The following AXDND1 variants were observed in gnomAD, a reference collection of about 807,000 sequenced individuals.
AXDND1 encodes the protein axonemal dynein light chain domain-containing protein 1.
Under a neutral mutation model 137.5 loss-of-function variants are expected in AXDND1, and 110 were observed. The ratio of observed to expected loss-of-function variants is 0.80; its 90% CI spans 0.69 to 0.94. The LOEUF (loss-of-function observed/expected upper bound fraction) is 0.94, where lower values mean the gene tolerates loss of function less well. Ranked by LOEUF, AXDND1 falls within the 40% of genes least tolerant of loss-of-function variation. The pLI is 0.00. For synonymous variants in AXDND1, 414 were observed against 399.7 expected, an observed-to-expected ratio of 1.04 and a Z score of -0.43; for missense variants, 1,191 against 1,169.8, an observed-to-expected ratio of 1.02 and a Z score of -0.26.
intron 21 of AXDND1, among the ~76,000 whole-genome samples, chr1:179,524,752 T>G (rs1335270198): frequency 6.6e-6 from 1 of 152,214 alleles, no homozygotes. Flanking sequence ...TCCTTTTCTC[T>G]TCCTCTGCTT....
chr1:179,390,146 TG>T (rs1649920046), intron 9 of AXDND1, among the ~76,000 whole-genome samples: 1 of 152,072 alleles, frequency 6.6e-6, no homozygotes, highest in Admixed American at 6.6e-5. Flanking sequence ...CCCAAGTAGC[TG>T]GGATTATAGG....
chr1:179,511,475 G>A (rs1669061258), intron 21 of AXDND1, among the ~76,000 whole-genome samples: 1 of 151,532 alleles, frequency 6.6e-6, no homozygotes, highest in Non-Finnish European at 1.5e-5. Flanking sequence ...ATGGGCATTT[G>A]GGTTGGTTCC....
At chr1:179,406,958 C>A (rs1267897127) in intron 11 of AXDND1, among the ~76,000 whole-genome samples, 1 of 151,908 alleles carries the variant, frequency 6.6e-6, no homozygotes, top group East Asian at 1.9e-4. Context: ...TATTGTTTAT[C>A]ATTGCTGTTT....
chr1:179,379,378 G>T lies in AXDND1; in HGVS notation c.496-19G>T, dbSNP rs1558092043. 3 of 1,599,632 alleles carry T rather than the reference G, an allele frequency of 1.9e-6. No individual in the cohort carries two copies. Among genetic ancestry groups the T allele is most frequent in the Admixed American group, 1.7e-5 (1 of 59,576 alleles). ...ATTAATATATTCATTCTTTTATTTTGCTTTTCTTTTCTTTTAAGCCAAAGA... is the reference window on the plus strand; with the variant it reads ...ATTAATATATTCATTCTTTTATTTTTCTTTTCTTTTCTTTTAAGCCAAAGA... On this transcript the variant is annotated intron_variant, in intron 5 of 25. Transcript: ENST00000367618.
intron 20 of AXDND1, among the ~76,000 whole-genome samples, chr1:179,495,509 A>G (rs1277277307): frequency 1.3e-5 from 2 of 152,072 alleles, no homozygotes; most frequent in Non-Finnish European, 2.9e-5. Flanking sequence ...TAGAATTACA[A>G]TGGGGTTTTA....
intron 11 of AXDND1, among the ~76,000 whole-genome samples, chr1:179,396,073 G>T (rs1347301807): frequency 6.6e-6 from 1 of 151,852 alleles, no homozygotes; most frequent in Non-Finnish European, 1.5e-5. Context: ...GAAGGCTGAG[G>T]CATGAGAATT....
At chr1:179,414,392 C>A (rs1218745572) in intron 12 of AXDND1, among the ~76,000 whole-genome samples, 1 of 148,812 alleles carries the variant, frequency 6.7e-6, no homozygotes, top group Non-Finnish European at 1.5e-5. Context: ...GTATAGATGT[C>A]AGTTCTCTCC....
chr1:179,537,207 C>G (rs1302830467), intron 25 of AXDND1, among the ~76,000 whole-genome samples: 1 of 152,222 alleles, frequency 6.6e-6, no homozygotes, highest in Admixed American at 6.5e-5. Context: ...TTATTTCTTT[C>G]TCTTGCCTGA....
At chr1:179,535,891 T>C (rs1671508434) in intron 25 of AXDND1, among the ~76,000 whole-genome samples, 1 of 152,216 alleles carries the variant, frequency 6.6e-6, no homozygotes, top group South Asian at 2.1e-4. Context: ...ATCTGTTGTT[T>C]CCTGACTTTT....
At chr1:179,370,592 T>C (rs1667942449) in intron 4 of AXDND1, among the ~76,000 whole-genome samples, 1 of 152,266 alleles carries the variant, frequency 6.6e-6, no homozygotes, top group Non-Finnish European at 1.5e-5. Flanking sequence ...TGTTTTTGTC[T>C]CATTCCTACA....
chr1:179,375,559 CAT>C lies in AXDND1; in HGVS notation c.375-3073_375-3072del, dbSNP rs546848005. ...TGTATATACAGGTATATACTGTACA[CAT>C]ATATGTACATACATATATGTACATA... is the stretch of plus-strand genomic sequence containing the variant. On this transcript the variant is annotated intron_variant, in intron 4 of 25. Transcript: ENST00000367618. 6.6e-5 allele frequency among the ~76,000 whole-genome samples: 10 copies of C among 150,442 alleles called. No homozygotes were observed. The East Asian group carries it at 7.8e-4, about 12-fold the overall frequency.
chr1:179,406,336 G>A (rs116318705), intron 11 of AXDND1, among the ~76,000 whole-genome samples: 5 of 152,318 alleles, frequency 3.3e-5, no homozygotes, highest in African/African-American at 1.2e-4. Flanking sequence ...TTCTGCAGAT[G>A]TTGGATAAAA....
At chr1:179,375,743 A>G (rs919202423) in intron 4 of AXDND1, among the ~76,000 whole-genome samples, 2 of 152,180 alleles carry the variant, frequency 1.3e-5, no homozygotes, top group African/African-American at 4.8e-5. Flanking sequence ...ACAGCAGCTC[A>G]TTCAGATCTT....
At chr1:179,427,272 T>G (rs1656717735) in intron 12 of AXDND1, among the ~76,000 whole-genome samples, 1 of 152,188 alleles carries the variant, frequency 6.6e-6, no homozygotes, top group South Asian at 2.1e-4. Context: ...AATAAGACAT[T>G]ACCTTTGGTT....
At chr1:179,420,988 T>C (rs1350877534) in intron 12 of AXDND1, among the ~76,000 whole-genome samples, 1 of 152,160 alleles carries the variant, frequency 6.6e-6, no homozygotes, top group Non-Finnish European at 1.5e-5. Context: ...ATTCCTGTGG[T>C]CTCAGTTGTT....
chr1:179,474,771 G>A (rs1016207713), intron 17 of AXDND1, among the ~76,000 whole-genome samples: 2 of 152,146 alleles, frequency 1.3e-5, no homozygotes, highest in African/African-American at 4.8e-5. Flanking sequence ...AAAGACAGCT[G>A]CAGAAATTTG....
At position 179,449,284 on chromosome 1, in the gene AXDND1, T is replaced by G. The variant is rs570468965; in HGVS notation, c.1798+4080T>G. 2.1e-5 allele frequency: 7 copies of G among 326,436 alleles called. No homozygotes were observed. In the East Asian group the frequency reaches 7.7e-4, roughly 36 times the overall value. 20.2% of individuals were successfully genotyped at this position (326,436 alleles called of 1,614,324 possible). On this transcript the variant is annotated intron_variant, in intron 16 of 25. Coordinates refer to ENST00000367618, the MANE Select transcript of AXDND1 (RefSeq NM_144696.6). ...CTAGCACCATTTATTGAAAATAACA[T>G]TCTTCCTCCATTTAATAGTCTTGGC...
intron 2 of AXDND1, among the ~76,000 whole-genome samples, chr1:179,367,490 GGC>G (rs1667564452): frequency 6.6e-6 from 1 of 152,144 alleles, no homozygotes; most frequent in South Asian, 2.1e-4. Context: ...ACTCCAGCCT[GGC>G]GACAGAACGA....
intron 17 of AXDND1, among the ~76,000 whole-genome samples, chr1:179,470,768 C>G (rs533708328): frequency 6.6e-6 from 1 of 152,064 alleles, no homozygotes; most frequent in Non-Finnish European, 1.5e-5. Flanking sequence ...ATTTCCTTCT[C>G]TTGCCTAATT....
Sources: allele counts gnomAD v4.1 joint callset (sites outside exome capture counted in the v4.1 genomes callset), GRCh38; gene constraint gnomAD v4.1.1; transcripts MANE v1.5; gene names NCBI Gene and HGNC (gene_info 2026-07-23, HGNC 2026-07-21).